Variants in ADGRV1 observed in about 807,000 individuals in gnomAD.
The protein encoded by ADGRV1 is adhesion G protein-coupled receptor V1.
ADGRV1 carries 359 observed loss-of-function variants against 596.2 expected under a neutral mutation model. The ratio of observed to expected loss-of-function variants is 0.60; its 90% CI spans 0.55 to 0.66. ADGRV1 has a LOEUF of 0.66. ADGRV1 is among the 30% of genes least tolerant of loss of function. The pLI, the probability that ADGRV1 is intolerant of heterozygous loss-of-function variation, is 0.00. For missense variants in ADGRV1, 7,274 were observed against 7,575.6 expected, an observed-to-expected ratio of 0.96 and a Z score of 1.48; for synonymous variants, 2,681 against 2,679.2, an observed-to-expected ratio of 1.00 and a Z score of -0.02.
At chr5:90,928,923 T>G (rs937917408) in intron 83 of ADGRV1, among the ~76,000 whole-genome samples, 1 of 144,398 alleles carries the variant, frequency 6.9e-6, no homozygotes, top group Admixed American at 6.9e-5. Context: ...TGCTGGGGGG[T>G]GCCTCCCAGT....
chr5:90,644,249 T>TCCAAATAG (rs1186391546), intron 14 of ADGRV1, among the ~76,000 whole-genome samples: 5 of 152,186 alleles, frequency 3.3e-5, no homozygotes, highest in South Asian at 2.1e-4. Context: ...AATGAGTCCA[T>TCCAAATAG]CCAAATAGCG....
chr5:91,117,497 A>G (rs540956074), intron 87 of ADGRV1, among the ~76,000 whole-genome samples: 73 of 152,276 alleles, frequency 4.8e-4, no homozygotes, highest in South Asian at 2.1e-3. Flanking sequence ...TATTCCTGCC[A>G]TTTTACACAT....
chr5:90,989,573 C>T (rs1463799902), intron 85 of ADGRV1, among the ~76,000 whole-genome samples: 1 of 129,140 alleles, frequency 7.7e-6, no homozygotes, highest in African/African-American at 3.0e-5. Flanking sequence ...TAACTTGTGC[C>T]CCTATCTATA....
intron 50 of ADGRV1, among the ~76,000 whole-genome samples, chr5:90,737,196 T>G (rs548372191): frequency 6.6e-6 from 1 of 152,092 alleles, no homozygotes; most frequent in African/African-American, 2.4e-5. Context: ...TGCAAGTCAT[T>G]TATTGTTTAG....
chr5:90,819,737 T>A (rs1763281291), intron 75 of ADGRV1, among the ~76,000 whole-genome samples: 1 of 152,146 alleles, frequency 6.6e-6, no homozygotes, highest in East Asian at 1.9e-4. Context: ...TGAGTGAGAT[T>A]CTTAATCCTG....
At chr5:90,979,343 TATTTTTTGTA>T (rs1478974856) in intron 84 of ADGRV1, among the ~76,000 whole-genome samples, 1 of 152,042 alleles carries the variant, frequency 6.6e-6, no homozygotes, top group Non-Finnish European at 1.5e-5. Flanking sequence ...TAATTGTTTG[TATTTTTTGTA>T]AAGACGGGGT....
At chr5:90,870,377 A>C (rs1561874691) in intron 83 of ADGRV1, among the ~76,000 whole-genome samples, 1 of 152,228 alleles carries the variant, frequency 6.6e-6, no homozygotes, top group Non-Finnish European at 1.5e-5. Flanking sequence ...CATTGAAGGA[A>C]GAAGAATTTG....
At chr5:90,745,474 A>T in intron 51 of ADGRV1, 117 bp from the exon 52 acceptor site, 1 of 804,928 alleles carries the variant, frequency 1.2e-6, no homozygotes, top group Non-Finnish European at 1.9e-6. Flanking sequence ...AATTTTCGTT[A>T]TGAAATGTTG....
intron 25 of ADGRV1, 25 bp downstream of exon 25, chr5:90,676,234 T>C (rs1457697894): frequency 1.3e-6 from 2 of 1,589,180 alleles, no homozygotes; most frequent in South Asian, 2.3e-5. Context: ...TCAAAAATGT[T>C]AAATATTTGC....
intron 59 of ADGRV1, among the ~76,000 whole-genome samples, chr5:90,765,727 A>G (rs1757044403): frequency 6.6e-6 from 1 of 151,822 alleles, no homozygotes; most frequent in African/African-American, 2.4e-5. Flanking sequence ...TTTGGAGACA[A>G]GGGGTCTTAT....
Position 90,635,225 on chromosome 5 carries a change from G to C in ADGRV1, c.1951G>C (p.Glu651Gln), listed in dbSNP as rs779846298. 5.0e-6 allele frequency: 8 copies of C among 1,613,006 alleles called. No individual in the cohort carries two copies. The highest frequency in any genetic ancestry group is 2.7e-5 in the African/African-American group (2 of 74,900). ...LLVTPAIANG[E>Q]IGFLSNLPII... ...GGTTACTCCAGCCATTGCAAATGGAGAAATTGGCTTTCTCAGCAATCTTCC... is the reference window on the plus strand; with the variant it reads ...GGTTACTCCAGCCATTGCAAATGGACAAATTGGCTTTCTCAGCAATCTTCC... The change falls in exon 10 of 90, where the codon GAA (glutamate) becomes CAA (glutamine). Residue 651 changes from glutamate to glutamine, a missense_variant. This residue lies in a region of ADGRV1 where 1,715 missense variants were observed against 1,708.8 expected (regional missense o/e 1.00). Transcript: ENST00000405460.
At chr5:90,993,567 A>G (rs1781151218) in intron 85 of ADGRV1, among the ~76,000 whole-genome samples, 1 of 152,194 alleles carries the variant, frequency 6.6e-6, no homozygotes, top group Non-Finnish European at 1.5e-5. Context: ...CTAGAATGAC[A>G]CAGAGTGTTA....
chr5:90,589,453 A>G (rs1484619662), intron 1 of ADGRV1, among the ~76,000 whole-genome samples: 17 of 152,210 alleles, frequency 1.1e-4, no homozygotes, highest in Admixed American at 1.1e-3. Context: ...TCCTCAAGCA[A>G]TGTATTATGG....
chr5:90,909,564 T>C (rs954858515), intron 83 of ADGRV1, among the ~76,000 whole-genome samples: 10 of 152,166 alleles, frequency 6.6e-5, no homozygotes, highest in African/African-American at 2.4e-4. Flanking sequence ...ACAACCAACT[T>C]GCTTGGTATG....
In ADGRV1 at chr5:91,153,291, C is replaced by T. The variant is rs756005484; in HGVS notation, c.18695C>T (p.Pro6232Leu). The T allele has an allele frequency of 4.3e-6, 7 of 1,610,428 alleles. No individual in the cohort carries two copies. The highest frequency in any genetic ancestry group is 1.3e-5 in the African/African-American group (1 of 74,840). The change falls in exon 89 of 90, where the codon CCA becomes CTA. Residue 6232 changes from proline (P) to leucine (L), a missense_variant. Around this residue, in one of 5 missense-constraint regions of ADGRV1, gnomAD observed 1,874 missense variants for 1,970.2 expected, o/e 0.95. Coordinates refer to ENST00000405460, the MANE Select transcript of ADGRV1 (RefSeq NM_032119.4). ...SQASPDLKPS[P>L]QNGATFPSSG... is the part of the protein sequence containing the mutation. ...GCCAGCCCTGATTTAAAGCCAAGTC[C>T]ACAAAATGGAGCCACGTTCCCGTCC... is the stretch of plus-strand genomic sequence containing the variant.
At chr5:90,995,080 T>C (rs987561143) in intron 85 of ADGRV1, among the ~76,000 whole-genome samples, 3 of 152,232 alleles carry the variant, frequency 2.0e-5, no homozygotes, top group Admixed American at 6.5e-5. Context: ...CAGGAATGTA[T>C]TGGAGCTTTC....
chr5:90,793,540 A>G (rs78376165), intron 70 of ADGRV1, among the ~76,000 whole-genome samples: 4,498 of 152,264 alleles, frequency 0.03, 210 homozygotes, highest in African/African-American at 0.1. Flanking sequence ...GAAACCCAAA[A>G]TATGTGATGT....
At chr5:90,938,832 T>C (rs769757708) in intron 83 of ADGRV1, among the ~76,000 whole-genome samples, 8 of 152,314 alleles carry the variant, frequency 5.3e-5, no homozygotes, top group Non-Finnish European at 1.0e-4. Context: ...AAAAGTAAAG[T>C]GATGATTCTA....
At chr5:91,143,821 A>T (rs1381341392) in intron 87 of ADGRV1, among the ~76,000 whole-genome samples, 1 of 152,102 alleles carries the variant, frequency 6.6e-6, no homozygotes, top group Non-Finnish European at 1.5e-5. Flanking sequence ...TGCCCAGGCC[A>T]TTCATATGGA....
Sources: gnomAD v4.1 joint callset for allele counts (sites outside exome capture counted in the v4.1 genomes callset) on GRCh38, gnomAD v4.1.1 for gene constraint, gnomAD v4.1.1 regional missense constraint, MANE v1.5 for transcripts, NCBI Gene and HGNC (gene_info 2026-07-23, HGNC 2026-07-21) for gene names.